Variants in TTN observed in about 807,000 individuals in gnomAD.
TTN encodes connectin.
TTN carries 1,525 observed loss-of-function variants against 3,223.0 expected under a neutral mutation model. The ratio of observed to expected loss-of-function variants is 0.47; its 90% CI spans 0.45 to 0.49. The LOEUF is 0.49. Among genes scored for constraint, TTN ranks in the 20% least tolerant of loss-of-function variants. The pLI is 0.00. For missense variants in TTN, 40,786 were observed against 43,424.0 expected (o/e 0.94, Z 5.40); for synonymous variants, 14,094 against 15,161.0 (o/e 0.93, Z 5.17).
At chr2:178,793,572 C>G in intron 8 of TTN, 31 bp from the exon 9 acceptor site, 1 of 1,611,134 alleles carries the variant, frequency 6.2e-7, no homozygotes, top group South Asian at 1.1e-5. Context: ...AAGAAAACAC[C>G]TTAATGCATC....
rs751284978 is a variant in TTN, at chr2:178,720,615, C to G, written c.23147G>C (p.Gly7716Ala). 5.6e-6 allele frequency: 9 copies of G among 1,610,748 alleles called. No homozygotes were observed. Among genetic ancestry groups the G allele is most frequent in the Non-Finnish European group, 7.6e-6 (9 of 1,178,726 alleles). ...QKPSPVGALK[G>A]SDVILQCEIS... ...TTCACATTGGAGAATCACATCAGAA[C>G]CTTTAAGAGCTCCTACTGGAGAAGG... The change falls in exon 80 of 363, where the codon GGT (glycine) becomes GCT (alanine). Residue 7716 changes from glycine to alanine, a missense_variant. Physicochemically the swap from Gly to Ala is moderately conservative, Grantham distance 60. Transcript: ENST00000589042.
At position 178,533,846 on chromosome 2, in the gene TTN, G is replaced by A. The variant is rs895974400; in HGVS notation, c.102769C>T (p.Pro34257Ser). 6.2e-7 allele frequency: 1 copy of A among 1,613,938 alleles called. No individual in the cohort carries two copies. Among genetic ancestry groups the A allele is most frequent in the Admixed American group, 1.7e-5 (1 of 60,026 alleles). Residue 34257 changes from proline to serine, a missense_variant, in exon 358 of 363, where the codon CCA (proline) becomes TCA (serine). Physicochemically the swap from Pro to Ser is moderately conservative, Grantham distance 74. Transcript: ENST00000589042. ...TAGAGAGGCAGGGTAAATTCTGGTG[G>A]CCTTTCCAGGAGTCTCATTGTGTCT... is the stretch of plus-strand genomic sequence containing the variant. ...RTDTMRLLER[P>S]PEFTLPLYNK...
chr2:178,670,513 T>G (rs890162102), intron 156 of TTN, among the ~76,000 whole-genome samples: 1 of 151,878 alleles, frequency 6.6e-6, no homozygotes, highest in Non-Finnish European at 1.5e-5. Context: ...GGTAAGAACT[T>G]GAGAAGAAAA....
At chr2:178,665,553 A>G (rs1384952127) in intron 164 of TTN, 93 bp from the exon 165 acceptor site, 1 of 1,422,978 alleles carries the variant, frequency 7.0e-7, no homozygotes, top group African/African-American at 1.4e-5. Flanking sequence ...TATGGCTAAA[A>G]AGATGATTCC....
chr2:178,559,350 C>T lies in TTN; in HGVS notation c.86782G>A (p.Gly28928Ser), dbSNP rs775579177. The change falls in exon 326 of 363, where the codon GGT becomes AGT. Residue 28928 changes from glycine (G) to serine (S), a missense_variant. Transcript: ENST00000589042. ...CCTTCCTTTGTTTCAGCTGGTATAC[C>T]AACACCAAACTCATTTTCTCCAGAG... is the stretch of plus-strand genomic sequence containing the variant. ...RVSGENEFGV[G>S]IPAETKEGVK... 3 of 1,610,306 alleles carry T rather than the reference C, an allele frequency of 1.9e-6. No homozygotes were observed. The highest frequency in any genetic ancestry group is 4.5e-5 in the East Asian group (2 of 44,806).
intron 150 of TTN, among the ~76,000 whole-genome samples, chr2:178,674,630 GT>G (rs923051818): frequency 8.0e-4 from 116 of 144,810 alleles, no homozygotes; most frequent in African/African-American, 2.5e-3. Context: ...AATTATTATT[GT>G]TTTTTTTTTA....
At position 178,688,131 on chromosome 2, in the gene TTN, G is replaced by C. The variant is rs1212672815; in HGVS notation, c.32291C>G (p.Ala10764Gly). The C allele has an allele frequency of 4.3e-6, 7 of 1,612,582 alleles. No individual in the cohort carries two copies. Among genetic ancestry groups the C allele is most frequent in the Non-Finnish European group, 5.9e-6 (7 of 1,179,594 alleles). The change falls in exon 127 of 363, where the codon GCA becomes GGA. Residue 10764 changes from alanine (A) to glycine (G), a missense_variant. Ala to Gly is a moderately conservative substitution (Grantham distance 60, BLOSUM62 0). Coordinates refer to ENST00000589042, the MANE Select transcript of TTN (RefSeq NM_001267550.2). ...TTTACCTTCATATTCTGTAACCTCT[G>C]CTTCTTCCTCCTCCTCTCTTTCTTC... is the stretch of plus-strand genomic sequence containing the variant. ...REEEREEEEEAEVTEYEVMEE... is the reference protein window; with the variant it reads ...REEEREEEEEGEVTEYEVMEE...
At chr2:178,675,361 T>C in intron 149 of TTN, 1 of 305,776 alleles carries the variant, frequency 3.3e-6, no homozygotes, top group Non-Finnish European at 5.8e-6. Flanking sequence ...TCTTTTGTCT[T>C]TTTTTTTTTT....
In TTN at chr2:178,650,834, A is replaced by C; in HGVS notation, c.39626T>G (p.Val13209Gly). 6.2e-7 allele frequency: 1 copy of C among 1,600,902 alleles called. No individual in the cohort carries two copies. Among genetic ancestry groups the C allele is most frequent in the South Asian group, 1.1e-5 (1 of 88,702 alleles). The change falls in exon 209 of 363, where the codon GTG (valine) becomes GGG (glycine). Residue 13209 changes from valine to glycine, a missense_variant and splice_region_variant. By Grantham distance (109) the Val-to-Gly change is moderately radical. Coordinates refer to ENST00000589042, the MANE Select transcript of TTN (RefSeq NM_001267550.2). ...PKKPEVPPAKVPEVPKKPVLE... is the reference protein window; with the variant it reads ...PKKPEVPPAKGPEVPKKPVLE... The stretch of plus-strand genomic sequence containing the variant: ...GACAGGTTTCTTTGGCACTTCTGGC[A>C]CTTTAAAGATATTAATTCATTTTTC...
In TTN at chr2:178,593,369, G is replaced by A. The variant is rs1480809336; in HGVS notation, c.58839C>T (p.Tyr19613=). ...PHDGGKPITN[Y]ILEKRETMSK... is the part of the protein sequence containing the mutation. ...ACATAGTTTCTCTCTTTTCCAGGAT[G>A]TAGTTTGTGATGGGTTTTCCTCCAT... The change falls in exon 299 of 363, where the codon TAC becomes TAT. Residue 19613 remains tyrosine (Y), a synonymous_variant. Coordinates refer to ENST00000589042, the MANE Select transcript of TTN (RefSeq NM_001267550.2). The A allele has an allele frequency of 1.2e-6, 2 of 1,613,384 alleles. No homozygotes were observed. Among genetic ancestry groups the A allele is most frequent in the Non-Finnish European group, 8.5e-7 (1 of 1,179,578 alleles).
At chr2:178,580,931 G>T in intron 316 of TTN, 1 of 249,880 alleles carries the variant, frequency 4.0e-6, no homozygotes, top group Non-Finnish European at 7.4e-6. Flanking sequence ...TTTCATTCTT[G>T]TTTTTTCCTT....
rs1361317643 is a variant in TTN at position 178,621,140 on chromosome 2, A to G, written c.45578T>C (p.Val15193Ala). 1.2e-6 allele frequency: 2 copies of G among 1,612,478 alleles called. No individual in the cohort carries two copies. Among genetic ancestry groups the G allele is most frequent in the East Asian group, 2.2e-5 (1 of 44,622 alleles). ...LQDMGTYVVM[V>A]GAARAAAHLT... ...GTGAGCTGCTGCTCTGGCGGCCCCT[A>G]CCATGACAACGTAAGTGCCCATATC... is the stretch of plus-strand genomic sequence containing the variant. Residue 15193 changes from valine to alanine, a missense_variant, in exon 246 of 363, where the codon GTA (valine) becomes GCA (alanine). Coordinates refer to ENST00000589042, the MANE Select transcript of TTN (RefSeq NM_001267550.2).
rs553541436 is a variant in TTN, at chr2:178,738,240, C to T, written c.14213G>A (p.Arg4738Gln). The T allele has an allele frequency of 1.0e-4, 167 of 1,613,576 alleles. No individual in the cohort carries two copies. Among genetic ancestry groups the T allele is most frequent in the Non-Finnish European group, 1.3e-4 (148 of 1,179,738 alleles). The change falls in exon 49 of 363, where the codon CGA becomes CAA. Residue 4738 changes from arginine to glutamine, a missense_variant. Transcript: ENST00000589042. The part of the protein sequence containing the change: ...NVRFQWFKAG[R>Q]EIYESDKCSI... Reference sequence around the variant, plus strand: ...ACACTTGTCACTCTCATAAATTTCTCGGCCAGCTTTAAACCACTGGAACCG... The same window carrying T: ...ACACTTGTCACTCTCATAAATTTCTTGGCCAGCTTTAAACCACTGGAACCG...
Position 178,647,061 on chromosome 2 carries a change from T to C in TTN, c.40222+3A>G, listed in dbSNP as rs1244023460. 3.6e-6 allele frequency: 4 copies of C among 1,101,820 alleles called. No individual in the cohort carries two copies. The highest frequency in any genetic ancestry group is 2.4e-6 in the Non-Finnish European group (2 of 827,876). 68.3% of individuals were successfully genotyped at this position (1,101,820 alleles called of 1,614,324 possible). A position where few individuals can be genotyped will look rare whatever the true frequency, so the allele number is the denominator to read the frequency against. Reference sequence around the variant, plus strand: ...AAATGTATATATATATATATATATATACCTTCAACAGGGGGAGTCTCTTTT... The same window carrying C: ...AAATGTATATATATATATATATATACACCTTCAACAGGGGGAGTCTCTTTT... On this transcript the variant is annotated splice_donor_region_variant and intron_variant, in intron 215 of 362. Transcript: ENST00000589042.
Position 178,580,020 on chromosome 2 carries a change from A to G in TTN, c.67267T>C (p.Ser22423Pro). 1 of 1,613,332 alleles carries G rather than the reference A, an allele frequency of 6.2e-7. No individual in the cohort carries two copies. Among genetic ancestry groups the G allele is most frequent in the Non-Finnish European group, 8.5e-7 (1 of 1,179,504 alleles). ...TCAGCAAACACTCGGAAGAAGTAGG[A>G]TTTTCCCTCCTCCAAATTAGCTACT... is the stretch of plus-strand genomic sequence containing the variant. ...FRVANLEEGK[S>P]YFFRVFAENE... The change falls in exon 318 of 363, where the codon TCC becomes CCC. Residue 22423 changes from serine (S) to proline (P), a missense_variant. Physicochemically the swap from Ser to Pro is moderately conservative, Grantham distance 74 (BLOSUM62 -1). Transcript: ENST00000589042.
chr2:178,669,719 T>C (rs1560237586), intron 157 of TTN, 44 bp from the exon 158 acceptor site: 3 of 1,594,842 alleles, frequency 1.9e-6, no homozygotes, highest in East Asian at 2.2e-5. Flanking sequence ...AACATTATAG[T>C]TGGGTGTAAA....
chr2:178,736,591 A>T (rs938058727), intron 49 of TTN, among the ~76,000 whole-genome samples: 4 of 152,320 alleles, frequency 2.6e-5, no homozygotes, highest in Admixed American at 2.0e-4. Context: ...ACTTGTAAAA[A>T]TATTTAATAG....
chr2:178,702,762 C>A, intron 106 of TTN, 99 bp from the exon 107 acceptor site: 3 of 1,248,358 alleles, frequency 2.4e-6, no homozygotes, highest in South Asian at 1.8e-5. Flanking sequence ...TCTTTGTACC[C>A]AGTTATAAAA....
chr2:178,735,613 G>C lies in TTN; in HGVS notation c.14833C>G (p.Leu4945Val). ...TTCAGTTTGGCCAAAGGAATCTCAAGTGTTGCTATTTTATCTTCAAAACAG... is the reference window on the plus strand; with the variant it reads ...TTCAGTTTGGCCAAAGGAATCTCAACTGTTGCTATTTTATCTTCAAAACAG... ...KICFEDKIAT[L>V]EIPLAKLKDS... The change falls in exon 50 of 363, where the codon CTT becomes GTT. Residue 4945 changes from leucine (L) to valine (V), a missense_variant. By Grantham distance (32) the Leu-to-Val change is conservative. Transcript: ENST00000589042. 1 of 1,613,616 alleles carries C rather than the reference G, an allele frequency of 6.2e-7. No individual in the cohort carries two copies.
Sources: gnomAD v4.1 joint callset for allele counts (sites outside exome capture counted in the v4.1 genomes callset) on GRCh38, gnomAD v4.1.1 for gene constraint, MANE v1.5 for transcripts, NCBI Gene and HGNC (gene_info 2026-07-23, HGNC 2026-07-21) for gene names.